IFT56: variants seen among roughly 807,000 people sequenced by gnomAD.
IFT56 encodes the protein intraflagellar transport protein 56.
At chr7:139,139,096 G>A in the IFT56 span, among the ~76,000 whole-genome samples, 12 of 152,324 alleles carry the variant, frequency 7.9e-5, no homozygotes, top group African/African-American at 2.4e-4. Flanking sequence ...ACAGGCGTGA[G>A]CCACTGCGCC....
the IFT56 span, chr7:139,172,693 T>C: frequency 1.6e-6 from 1 of 622,302 alleles, no homozygotes; most frequent in South Asian, 1.4e-5. Context: ...TTTCTGGAAG[T>C]TTTACAAACA....
chr7:139,164,487 A>G, the IFT56 span, among the ~76,000 whole-genome samples: 3 of 152,200 alleles, frequency 2.0e-5, no homozygotes, highest in South Asian at 2.1e-4. Context: ...CTTTTATTCT[A>G]TTTCTCATAG....
At chr7:139,164,600 G>T in the IFT56 span, among the ~76,000 whole-genome samples, 6 of 152,032 alleles carry the variant, frequency 3.9e-5, no homozygotes, top group Non-Finnish European at 8.8e-5. Flanking sequence ...ATGAAGTCAA[G>T]GTCATATGCA....
the IFT56 span, among the ~76,000 whole-genome samples, chr7:139,138,920 C>T: frequency 6.6e-6 from 1 of 151,974 alleles, no homozygotes; most frequent in African/African-American, 2.4e-5. Context: ...AAGCAATTCC[C>T]CTGCCTCAGC....
At chr7:139,134,990 A>T in the IFT56 span, among the ~76,000 whole-genome samples, 3 of 152,040 alleles carry the variant, frequency 2.0e-5, 1 homozygote, top group African/African-American at 7.2e-5. Context: ...GAACTAAAAA[A>T]CTAAACTTGG....
chr7:139,141,243 A>G, the IFT56 span, among the ~76,000 whole-genome samples: 2 of 145,298 alleles, frequency 1.4e-5, no homozygotes, highest in Non-Finnish European at 2.9e-5. Flanking sequence ...CCTGGGCGAC[A>G]GAACAAGACT....
the IFT56 span, chr7:139,161,137 G>T: frequency 2.3e-6 from 2 of 873,346 alleles, no homozygotes; most frequent in Non-Finnish European, 3.5e-6. Context: ...TTTACTCCAA[G>T]GGAACCCCTC....
chr7:139,145,700 G>A, the IFT56 span, among the ~76,000 whole-genome samples: 3 of 151,454 alleles, frequency 2.0e-5, 1 homozygote, highest in African/African-American at 7.3e-5. Flanking sequence ...ATAGGCGTGA[G>A]CCACTGCCCC....
the IFT56 span, chr7:139,178,661 C>T: frequency 7.0e-7 from 1 of 1,436,626 alleles, no homozygotes; most frequent in South Asian, 1.2e-5. Flanking sequence ...ATCTTTTTCT[C>T]ACTGGAATAA....
the IFT56 span, chr7:139,191,926 C>T: frequency 6.6e-6 from 1 of 152,088 alleles, no homozygotes; most frequent in African/African-American, 2.4e-5. Flanking sequence ...TTTTGTACCT[C>T]AAAATAATTA....
the IFT56 span, chr7:139,179,676 A>C: frequency 6.5e-7 from 1 of 1,537,742 alleles, no homozygotes; most frequent in South Asian, 1.2e-5. Flanking sequence ...TTACAAGAAG[A>C]ATCCTCTTTT....
At chr7:139,179,589 C>T in the IFT56 span, 2 of 1,613,958 alleles carry the variant, frequency 1.2e-6, no homozygotes, top group Non-Finnish European at 1.7e-6. Context: ...CCTCTTGATC[C>T]AAAGTGAGAA....
chr7:139,178,732 C>T, the IFT56 span: 1 of 764,186 alleles, frequency 1.3e-6, no homozygotes, highest in Non-Finnish European at 2.1e-6. Flanking sequence ...TGAATAAGTA[C>T]ACTGTGGAGA....
the IFT56 span, chr7:139,173,054 A>C: frequency 4.1e-6 from 3 of 734,188 alleles, no homozygotes; most frequent in Admixed American, 3.6e-5. Context: ...AATGCTTCCA[A>C]CTCAGCTTTG....
the IFT56 span, among the ~76,000 whole-genome samples, chr7:139,139,289 T>C: frequency 6.6e-6 from 1 of 152,136 alleles, no homozygotes. Context: ...ATGCTAGTAT[T>C]CGTAAAAGGC....
At chr7:139,158,313 C>CAAAAA in the IFT56 span, among the ~76,000 whole-genome samples, 2 of 115,450 alleles carry the variant, frequency 1.7e-5, no homozygotes, top group African/African-American at 8.6e-5. Flanking sequence ...GACGCCATCT[C>CAAAAA]AAAAAAAAAA....
At chr7:139,151,857 T>G in the IFT56 span, among the ~76,000 whole-genome samples, 1 of 152,018 alleles carries the variant, frequency 6.6e-6, no homozygotes. Flanking sequence ...AGGTCAGGAG[T>G]TCGAGACCAG....
At chr7:139,187,380 A>G in the IFT56 span, 5 of 1,612,266 alleles carry the variant, frequency 3.1e-6, no homozygotes, top group Admixed American at 8.4e-5. Flanking sequence ...TACTGCAAGT[A>G]TTACCACATA....
At chr7:139,173,106 C>A in the IFT56 span, 1 of 717,332 alleles carries the variant, frequency 1.4e-6, no homozygotes, top group South Asian at 1.5e-5. Context: ...TTGGCTGACT[C>A]TCTGTGGACT....
Sources: allele counts gnomAD v4.1 joint callset (sites outside exome capture counted in the v4.1 genomes callset), GRCh38; gene constraint gnomAD v4.1.1; transcripts MANE v1.5; gene names NCBI Gene and HGNC (gene_info 2026-07-23, HGNC 2026-07-21).